RPS6KC1: variants seen among roughly 807,000 people sequenced by gnomAD.
The protein encoded by RPS6KC1 is ribosomal protein S6 kinase C1.
In RPS6KC1, 54 loss-of-function variants were observed where a neutral mutation model predicts 103.8. The ratio of observed to expected loss-of-function variants is 0.52; its 90% CI spans 0.42 to 0.65. The LOEUF is 0.65. RPS6KC1 is among the 30% of genes least tolerant of loss of function. The pLI, the probability that RPS6KC1 is intolerant of heterozygous loss-of-function variation, is 0.00. For synonymous variants in RPS6KC1, 439 were observed against 438.7 expected (o/e 1.00, Z -0.01); for missense variants, 1,151 against 1,253.8 (o/e 0.92, Z 1.24).
chr1:213,268,409 A>G (rs2149159386), intron 14 of RPS6KC1, among the ~76,000 whole-genome samples: 2 of 152,104 alleles, frequency 1.3e-5, no homozygotes, highest in Middle Eastern at 3.4e-3. Context: ...ACTGCCTTAC[A>G]AGAAATACCA....
chr1:213,811,167 G>T, the RPS6KC1 span, among the ~76,000 whole-genome samples: 7 of 152,284 alleles, frequency 4.6e-5, no homozygotes, highest in African/African-American at 1.4e-4. Context: ...GCCTTAATTT[G>T]CTCTTTTGCT....
chr1:213,790,917 T>C, the RPS6KC1 span, among the ~76,000 whole-genome samples: 15 of 105,910 alleles, frequency 1.4e-4, no homozygotes, highest in Admixed American at 5.3e-4. Flanking sequence ...TTCTTTTAAA[T>C]AGTGTTTTCA....
At chr1:213,328,328 A>G in the RPS6KC1 span, among the ~76,000 whole-genome samples, 1 of 151,998 alleles carries the variant, frequency 6.6e-6, no homozygotes, top group African/African-American at 2.4e-5. Context: ...GGAGGCTAAA[A>G]TGTAGGCCAT....
the RPS6KC1 span, among the ~76,000 whole-genome samples, chr1:213,490,306 G>A: frequency 4.6e-5 from 7 of 152,102 alleles, no homozygotes; most frequent in Non-Finnish European, 8.8e-5. Flanking sequence ...GGCTTAATAT[G>A]GCAACACATA....
At chr1:213,448,708 C>T in the RPS6KC1 span, among the ~76,000 whole-genome samples, 130 of 151,604 alleles carry the variant, frequency 8.6e-4, no homozygotes, top group African/African-American at 3.1e-3. Context: ...TCTCTGATCC[C>T]TCACACAGAG....
chr1:213,824,758 T>C, the RPS6KC1 span, among the ~76,000 whole-genome samples: 3 of 152,206 alleles, frequency 2.0e-5, no homozygotes, highest in African/African-American at 7.2e-5. Context: ...CCTTCTGCCA[T>C]GATTGTGAGG....
chr1:213,777,384 T>TG, the RPS6KC1 span, among the ~76,000 whole-genome samples: 1 of 152,122 alleles, frequency 6.6e-6, no homozygotes. Context: ...TGTTGTTTCT[T>TG]GGGGAATAGG....
the RPS6KC1 span, among the ~76,000 whole-genome samples, chr1:213,614,293 C>T: frequency 2.6e-5 from 4 of 152,156 alleles, no homozygotes; most frequent in Admixed American, 2.6e-4. Context: ...AGGAAAGGTG[C>T]CCCCAGGGCA....
At chr1:213,060,278 TAA>T in intron 1 of RPS6KC1, among the ~76,000 whole-genome samples, 1 of 152,256 alleles carries the variant, frequency 6.6e-6, no homozygotes, top group Non-Finnish European at 1.5e-5. Flanking sequence ...TGTCTGATAT[TAA>T]GGCAGTGGGA....
chr1:213,480,394 C>T, the RPS6KC1 span, among the ~76,000 whole-genome samples: 1 of 151,988 alleles, frequency 6.6e-6, no homozygotes, highest in Non-Finnish European at 1.5e-5. Context: ...ATTGTGAATT[C>T]TGTCTTGTTT....
chr1:213,748,236 C>T, the RPS6KC1 span, among the ~76,000 whole-genome samples: 1 of 152,190 alleles, frequency 6.6e-6, no homozygotes, highest in African/African-American at 2.4e-5. Context: ...CTCACCTTTA[C>T]CTGAGAGGGG....
At chr1:213,247,765 A>G (rs2094476352) in intron 12 of RPS6KC1, among the ~76,000 whole-genome samples, 2 of 152,176 alleles carry the variant, frequency 1.3e-5, no homozygotes, top group Admixed American at 1.3e-4. Flanking sequence ...TCCTCCTTAC[A>G]CAAAATGTAC....
chr1:213,449,729 C>T, the RPS6KC1 span, among the ~76,000 whole-genome samples: 2 of 152,214 alleles, frequency 1.3e-5, no homozygotes, highest in South Asian at 2.1e-4. Context: ...GGCTCTGTCT[C>T]CTGCCTCTAC....
chr1:213,470,552 A>G, the RPS6KC1 span, among the ~76,000 whole-genome samples: 1 of 151,456 alleles, frequency 6.6e-6, no homozygotes, highest in Non-Finnish European at 1.5e-5. Flanking sequence ...ACAAAATGGT[A>G]ATATTCAAAT....
chr1:213,568,179 T>C, the RPS6KC1 span, among the ~76,000 whole-genome samples: 2 of 152,244 alleles, frequency 1.3e-5, no homozygotes, highest in Non-Finnish European at 2.9e-5. Context: ...TCTATTTGAC[T>C]GTAAAGATAG....
chr1:213,414,572 T>G, the RPS6KC1 span, among the ~76,000 whole-genome samples: 1 of 152,104 alleles, frequency 6.6e-6, no homozygotes, highest in African/African-American at 2.4e-5. Context: ...CGGGGCATAT[T>G]GTCCCACAGA....
At chr1:213,813,364 G>T in the RPS6KC1 span, among the ~76,000 whole-genome samples, 1 of 151,682 alleles carries the variant, frequency 6.6e-6, no homozygotes, top group Non-Finnish European at 1.5e-5. Flanking sequence ...GATAACTGAC[G>T]AGATGGAGCC....
the RPS6KC1 span, among the ~76,000 whole-genome samples, chr1:213,765,392 C>A: frequency 6.6e-6 from 1 of 152,310 alleles, no homozygotes; most frequent in South Asian, 2.1e-4. Context: ...CAGGTTGTGA[C>A]CTCTCCCACC....
At chr1:213,788,441 T>C in the RPS6KC1 span, among the ~76,000 whole-genome samples, 1 of 152,174 alleles carries the variant, frequency 6.6e-6, no homozygotes, top group Non-Finnish European at 1.5e-5. Flanking sequence ...CAAGATCTGC[T>C]AAACACGACC....
Sources: allele counts gnomAD v4.1 joint callset (sites outside exome capture counted in the v4.1 genomes callset), GRCh38; gene constraint gnomAD v4.1.1; transcripts MANE v1.5; gene names NCBI Gene and HGNC (gene_info 2026-07-23, HGNC 2026-07-21).